Variants in NTN1 observed in about 807,000 individuals in gnomAD.
NTN1 encodes netrin 1, also known as netrin-1.
Under a neutral mutation model 54.2 loss-of-function variants are expected in NTN1, and 11 were observed. That is an observed-to-expected ratio of 0.20 (90% CI 0.13 to 0.34). NTN1 has a LOEUF of 0.34. Ranked by LOEUF, NTN1 falls within the 10% of genes least tolerant of loss-of-function variation. NTN1 has a pLI of 1.00. For missense variants in NTN1, 740 were observed against 893.1 expected (o/e 0.83, Z 2.18); for synonymous variants, 371 against 382.0 (o/e 0.97, Z 0.33).
intron 5 of NTN1, among the ~76,000 whole-genome samples, chr17:9,193,920 TAAAA>T (rs71361871): frequency 6.7e-5 from 3 of 44,904 alleles, no homozygotes; most frequent in Non-Finnish European, 1.2e-4. Flanking sequence ...AAACTCCGAC[TAAAA>T]AAAAAAAAAA....
chr17:9,148,429 G>A (rs1038988696), intron 2 of NTN1, among the ~76,000 whole-genome samples: 1 of 151,902 alleles, frequency 6.6e-6, no homozygotes, highest in African/African-American at 2.4e-5. Context: ...GGAAATTAAA[G>A]TGGCTGTTGA....
At chr17:9,142,290 A>G (rs2092300318) in intron 2 of NTN1, among the ~76,000 whole-genome samples, 1 of 149,302 alleles carries the variant, frequency 6.7e-6, no homozygotes, top group Non-Finnish European at 1.5e-5. Context: ...TTTCATCTCA[A>G]AAAGAAAAAA....
chr17:9,164,434 AAAAG>A (rs773271839), intron 3 of NTN1, among the ~76,000 whole-genome samples: 17 of 151,848 alleles, frequency 1.1e-4, no homozygotes, highest in Non-Finnish European at 1.6e-4. Flanking sequence ...CGAAAAAAAA[AAAAG>A]AAAGAACATC....
chr17:9,189,647 G>A (rs1210736636), intron 5 of NTN1, among the ~76,000 whole-genome samples: 3 of 151,996 alleles, frequency 2.0e-5, no homozygotes, highest in Non-Finnish European at 2.9e-5. Flanking sequence ...ACCATGCCCA[G>A]CCAAAGTTAT....
chr17:9,119,297 C>T (rs1403910338), intron 2 of NTN1, among the ~76,000 whole-genome samples: 2 of 152,108 alleles, frequency 1.3e-5, no homozygotes, highest in South Asian at 2.1e-4. Flanking sequence ...AAGCAATTCT[C>T]CTGCCTCAGC....
Position 9,135,653 on chromosome 17 carries a change from T to G in NTN1, c.1019-27160T>G, listed in dbSNP as rs926708707. Among the ~76,000 whole-genome samples the G allele has an allele frequency of 6.6e-6, 1 of 152,216 alleles. No homozygotes were observed. Among genetic ancestry groups the G allele is most frequent in the Non-Finnish European group, 1.5e-5 (1 of 68,034 alleles). ...GTGTGTGGAGCCTCTGCTTTTTCTG[T>G]AGAGACTGGACTCTTACTTCTTCTA... On this transcript the variant is annotated intron_variant, in intron 2 of 6. Coordinates refer to ENST00000173229, the MANE Select transcript of NTN1 (RefSeq NM_004822.3). This position sits in a 1 kb window ranked among gnomAD's most constrained non-coding sequence, Gnocchi z 4.4.
At chr17:9,191,505 CAAAAT>C (rs1904456101) in intron 5 of NTN1, among the ~76,000 whole-genome samples, 1 of 152,180 alleles carries the variant, frequency 6.6e-6, no homozygotes, top group African/African-American at 2.4e-5. Flanking sequence ...TCTCTATAAG[CAAAAT>C]AAAAGGCAAA....
At chr17:9,007,628 CTTTCTTTCT>C in the NTN1 span, among the ~76,000 whole-genome samples, 61 of 144,264 alleles carry the variant, frequency 4.2e-4, no homozygotes, top group African/African-American at 1.5e-3. Context: ...TCCTTCCTTC[CTTTCTTTCT>C]TTTCTTTCTT....
At position 9,128,147 on chromosome 17, in the gene NTN1, T is replaced by TA. The variant is rs201088079; in HGVS notation, c.1019-34664dup. Among the ~76,000 whole-genome samples the TA allele has an allele frequency of 5.6e-3, 828 of 147,180 alleles. 2 individuals are homozygous for TA. Among genetic ancestry groups the TA allele is most frequent in the African/African-American group, 9.8e-3 (389 of 39,656 alleles). On this transcript the variant is annotated intron_variant, in intron 2 of 6. Transcript: ENST00000173229. Reference sequence around the variant, plus strand: ...ATAAATAAATAAATAAATAAATAAATAATAATAATAAAGTGAGCTGGGTGT... The same window carrying TA: ...ATAAATAAATAAATAAATAAATAAATAAATAATAATAAAGTGAGCTGGGTGT...
chr17:9,178,241 G>A (rs1041918034), intron 3 of NTN1, among the ~76,000 whole-genome samples: 6 of 152,332 alleles, frequency 3.9e-5, no homozygotes, highest in African/African-American at 1.4e-4. Flanking sequence ...TCTATAAGAA[G>A]CAGCAGCAAG....
chr17:9,213,873 A>AT (rs1253159241), intron 5 of NTN1, among the ~76,000 whole-genome samples: 1 of 152,082 alleles, frequency 6.6e-6, no homozygotes, highest in Non-Finnish European at 1.5e-5. Context: ...TTTTCCTAAC[A>AT]TTTTGCATTT....
intron 2 of NTN1, among the ~76,000 whole-genome samples, chr17:9,056,856 G>A (rs1300781488): frequency 6.6e-6 from 1 of 152,146 alleles, no homozygotes; most frequent in Non-Finnish European, 1.5e-5. Context: ...GAACTGATGG[G>A]GCGTGGGACT....
chr17:9,039,502 A>T (rs952891587), intron 2 of NTN1, among the ~76,000 whole-genome samples: 2 of 152,018 alleles, frequency 1.3e-5, no homozygotes, highest in African/African-American at 4.8e-5. Flanking sequence ...ATTTTTTTTT[A>T]CAGATTTATT....
intron 2 of NTN1, among the ~76,000 whole-genome samples, chr17:9,151,068 G>A (rs1247497950): frequency 6.6e-6 from 1 of 152,132 alleles, no homozygotes; most frequent in African/African-American, 2.4e-5. Context: ...GGACATTTCT[G>A]CTTGAAGAAG....
At chr17:9,056,687 T>C (rs1033440156) in intron 2 of NTN1, among the ~76,000 whole-genome samples, 1 of 152,084 alleles carries the variant, frequency 6.6e-6, no homozygotes, top group African/African-American at 2.4e-5. Flanking sequence ...TCGTGTTCTA[T>C]GAGCACCGTC....
At chr17:9,114,160 A>ATATATATATATATATATATATATAT (rs1310655092) in intron 2 of NTN1, among the ~76,000 whole-genome samples, 2 of 94,392 alleles carry the variant, frequency 2.1e-5, no homozygotes, top group Admixed American at 1.0e-4. Flanking sequence ...AAAGAAAAAA[A>ATATATATATATATATATATATATAT]AAAAAAATAT....
At chr17:9,155,627 C>T (rs2092339679) in intron 2 of NTN1, among the ~76,000 whole-genome samples, 1 of 151,474 alleles carries the variant, frequency 6.6e-6, no homozygotes, top group Non-Finnish European at 1.5e-5. Context: ...AGGCGTGAGC[C>T]ACTGCGCCTG....
At chr17:9,079,219 C>A (rs890929574) in intron 2 of NTN1, among the ~76,000 whole-genome samples, 3 of 152,218 alleles carry the variant, frequency 2.0e-5, no homozygotes, top group Non-Finnish European at 4.4e-5. Flanking sequence ...GGGAGTAGAA[C>A]CCTGCTCCAG....
intron 3 of NTN1, chr17:9,172,871 TG>T: frequency 7.4e-6 from 1 of 134,632 alleles, no homozygotes; most frequent in Non-Finnish European, 1.5e-5. Flanking sequence ...ATTGCACCAT[TG>T]CACTCCAGCC....
Sources: gnomAD v4.1 joint callset for allele counts (sites outside exome capture counted in the v4.1 genomes callset) on GRCh38, gnomAD v4.1.1 for gene constraint, Gnocchi (gnomAD v3.1) non-coding constraint, MANE v1.5 for transcripts, NCBI Gene and HGNC (gene_info 2026-07-23, HGNC 2026-07-21) for gene names.